Variants in KIAA1328 observed in about 807,000 individuals in gnomAD.
KIAA1328 encodes the protein KIAA1328, also known as protein hinderin.
In KIAA1328, 52 loss-of-function variants were observed where a neutral mutation model predicts 68.1. That is an observed-to-expected ratio of 0.76 (90% CI 0.61 to 0.96). The LOEUF (loss-of-function observed/expected upper bound fraction) is 0.96, where lower values mean the gene tolerates loss of function less well. KIAA1328 is among the 40% of genes least tolerant of loss of function. The probability of loss-of-function intolerance (pLI) is 0.00; values close to 1 mark genes in which losing one functional copy is unlikely to be tolerated. For synonymous variants in KIAA1328, 232 were observed against 239.4 expected, an observed-to-expected ratio of 0.97 and a Z score of 0.28; for missense variants, 641 against 677.6, an observed-to-expected ratio of 0.95 and a Z score of 0.60.
chr18:37,048,253 A>G (rs2055555153), intron 6 of KIAA1328, among the ~76,000 whole-genome samples: 1 of 152,224 alleles, frequency 6.6e-6, no homozygotes, highest in East Asian at 1.9e-4. Context: ...CATTAACTGA[A>G]AAAGGATTTA....
At chr18:37,116,195 A>G (rs1290494388) in intron 7 of KIAA1328, among the ~76,000 whole-genome samples, 4 of 152,198 alleles carry the variant, frequency 2.6e-5, no homozygotes, top group Admixed American at 6.5e-5. Context: ...AAGAGCCTGC[A>G]TTGCCAAGTC....
At chr18:36,854,963 A>G (rs1217475353) in intron 4 of KIAA1328, among the ~76,000 whole-genome samples, 1 of 152,194 alleles carries the variant, frequency 6.6e-6, no homozygotes, top group African/African-American at 2.4e-5. Context: ...AGGTGAATCT[A>G]TGTTGTAATG....
At chr18:37,168,706 A>C (rs534146264) in intron 8 of KIAA1328, among the ~76,000 whole-genome samples, 1 of 152,296 alleles carries the variant, frequency 6.6e-6, no homozygotes, top group African/African-American at 2.4e-5. Context: ...GAAGGAAATA[A>C]TTATTAGAAT....
chr18:37,040,277 A>G (rs1423523694), intron 6 of KIAA1328, among the ~76,000 whole-genome samples: 2 of 152,212 alleles, frequency 1.3e-5, no homozygotes, highest in Admixed American at 6.5e-5. Flanking sequence ...TTACGAGTCT[A>G]TTCAGATTTT....
At chr18:36,980,084 A>G (rs1412144163) in intron 6 of KIAA1328, among the ~76,000 whole-genome samples, 4 of 152,194 alleles carry the variant, frequency 2.6e-5, no homozygotes. Flanking sequence ...GGCAGCATTC[A>G]AAGTGCCATC....
At chr18:37,160,022 T>C (rs1334273229) in intron 7 of KIAA1328, among the ~76,000 whole-genome samples, 178 bp from the exon 8 acceptor site, 1 of 152,174 alleles carries the variant, frequency 6.6e-6, no homozygotes, top group African/African-American at 2.4e-5. Flanking sequence ...TTTTCCAAAA[T>C]TGTTGTGACA....
At chr18:37,112,386 C>T (rs1049114501) in intron 7 of KIAA1328, among the ~76,000 whole-genome samples, 3 of 152,268 alleles carry the variant, frequency 2.0e-5, no homozygotes, top group South Asian at 4.1e-4. Context: ...CTGCAGCCTC[C>T]GCTGGTGATA....
chr18:37,008,908 G>A (rs1462281972), intron 6 of KIAA1328, among the ~76,000 whole-genome samples: 1 of 152,086 alleles, frequency 6.6e-6, no homozygotes, highest in African/African-American at 2.4e-5. Flanking sequence ...AGAGCCTTAA[G>A]GACCTTTGGT....
intron 8 of KIAA1328, among the ~76,000 whole-genome samples, chr18:37,161,132 T>C (rs2154211590): frequency 6.6e-6 from 1 of 152,318 alleles, no homozygotes; most frequent in Middle Eastern, 3.4e-3. Context: ...TAGTGTCTTT[T>C]TTCCCTTCTC....
chr18:37,180,873 A>G (rs2059686194), intron 9 of KIAA1328, among the ~76,000 whole-genome samples: 1 of 152,104 alleles, frequency 6.6e-6, no homozygotes, highest in East Asian at 1.9e-4. Context: ...ACCCTATGTG[A>G]TGATGGTGGC....
At chr18:36,831,313 TA>T (rs938612489) in intron 1 of KIAA1328, among the ~76,000 whole-genome samples, 1 of 152,180 alleles carries the variant, frequency 6.6e-6, no homozygotes, top group African/African-American at 2.4e-5. Context: ...CTTTTTTTTT[TA>T]TTGTTGTTGT....
At chr18:37,000,409 T>C (rs1270837263) in intron 6 of KIAA1328, among the ~76,000 whole-genome samples, 1 of 152,038 alleles carries the variant, frequency 6.6e-6, no homozygotes, top group African/African-American at 2.4e-5. Flanking sequence ...ACAGTAAAAG[T>C]GGGGGACTTC....
intron 4 of KIAA1328, among the ~76,000 whole-genome samples, chr18:36,848,462 A>C (rs967265484): frequency 1.4e-5 from 2 of 147,840 alleles, no homozygotes; most frequent in Admixed American, 1.4e-4. Flanking sequence ...TTTTGGTAGA[A>C]TCCTTTGGAT....
intron 5 of KIAA1328, among the ~76,000 whole-genome samples, chr18:36,914,353 C>G (rs1280475695): frequency 1.3e-5 from 2 of 152,088 alleles, no homozygotes; most frequent in Admixed American, 6.6e-5. Context: ...TTTTGATTAT[C>G]TTAATAAAAA....
chr18:36,880,963 C>T (rs1024004092), intron 4 of KIAA1328, among the ~76,000 whole-genome samples: 1 of 152,030 alleles, frequency 6.6e-6, no homozygotes, highest in Non-Finnish European at 1.5e-5. Context: ...CTGGATTCAT[C>T]TTGTGAATTG....
chr18:36,901,160 TGTTA>T (rs1331560803), intron 5 of KIAA1328, among the ~76,000 whole-genome samples: 5 of 152,172 alleles, frequency 3.3e-5, no homozygotes, highest in Admixed American at 3.3e-4. Context: ...CGGGCCACAG[TGTTA>T]GTTCTTAAAG....
intron 7 of KIAA1328, among the ~76,000 whole-genome samples, chr18:37,111,753 G>A (rs1163354550): frequency 9.2e-5 from 14 of 152,114 alleles, no homozygotes; most frequent in South Asian, 2.1e-4. Context: ...ACAAGGGGTC[G>A]GGGAATTCCC....
chr18:37,190,227 T>C (rs1758863775), intron 9 of KIAA1328, among the ~76,000 whole-genome samples: 1 of 152,164 alleles, frequency 6.6e-6, no homozygotes, highest in Non-Finnish European at 1.5e-5. Flanking sequence ...ATTGTTGGAA[T>C]GAGAATGTAC....
At chr18:37,109,125 T>A (rs1440752663) in intron 7 of KIAA1328, among the ~76,000 whole-genome samples, 2 of 152,258 alleles carry the variant, frequency 1.3e-5, no homozygotes, top group Non-Finnish European at 2.9e-5. Context: ...TTTTTATGGC[T>A]GCATAGTATT....
Sources: gnomAD v4.1 joint callset for allele counts (sites outside exome capture counted in the v4.1 genomes callset) on GRCh38, gnomAD v4.1.1 for gene constraint, MANE v1.5 for transcripts, NCBI Gene and HGNC (gene_info 2026-07-23, HGNC 2026-07-21) for gene names.